Variants in GALNT13 observed in about 807,000 individuals in gnomAD.
GALNT13 encodes the protein UDP-GalNAc:polypeptide N-acetylgalactosaminyltransferase 13.
GALNT13 carries 28 observed loss-of-function variants against 64.2 expected under a neutral mutation model. The observed-to-expected ratio is 0.44, with a 90% CI of 0.32 to 0.60. GALNT13 has a LOEUF of 0.60. Among genes scored for constraint, GALNT13 ranks in the 20% least tolerant of loss-of-function variants. The probability of loss-of-function intolerance (pLI) is 0.05; values close to 1 mark genes in which losing one functional copy is unlikely to be tolerated. For synonymous variants in GALNT13, 214 were observed against 224.6 expected (o/e 0.95, Z 0.42); for missense variants, 577 against 669.8 (o/e 0.86, Z 1.53).
At chr2:154,376,795 A>G (rs981080972) in intron 9 of GALNT13, among the ~76,000 whole-genome samples, 1 of 152,156 alleles carries the variant, frequency 6.6e-6, no homozygotes, top group African/African-American at 2.4e-5. Flanking sequence ...CCATAAAGTG[A>G]GGTTGAAGAA....
chr2:153,261,370 G>A, the GALNT13 span, among the ~76,000 whole-genome samples: 7 of 152,124 alleles, frequency 4.6e-5, no homozygotes, highest in African/African-American at 1.7e-4. Flanking sequence ...GGTATTTGGA[G>A]GGACTTGGGT....
the GALNT13 span, among the ~76,000 whole-genome samples, chr2:153,262,470 C>CA: frequency 1.3e-5 from 2 of 152,042 alleles, no homozygotes; most frequent in African/African-American, 4.8e-5. Flanking sequence ...ATCCTGATAC[C>CA]AAAAACCTGG....
chr2:154,242,237 T>G, intron 5 of GALNT13, 41 bp downstream of exon 5: 3 of 1,557,756 alleles, frequency 1.9e-6, no homozygotes, highest in Non-Finnish European at 2.6e-6. Flanking sequence ...TTTTTTTGTT[T>G]TGTTTTGTTT....
At chr2:154,109,294 A>G (rs1223901883) in intron 3 of GALNT13, among the ~76,000 whole-genome samples, 1 of 151,958 alleles carries the variant, frequency 6.6e-6, no homozygotes, top group Admixed American at 6.6e-5. Flanking sequence ...GTTTGTTCTT[A>G]GTGTCTATAA....
chr2:153,602,682 A>G, the GALNT13 span, among the ~76,000 whole-genome samples: 2 of 151,846 alleles, frequency 1.3e-5, no homozygotes, highest in Admixed American at 1.3e-4. Context: ...GGACAACCAG[A>G]TTTCATAAGG....
chr2:154,127,324 G>A (rs1682342743), intron 3 of GALNT13, among the ~76,000 whole-genome samples: 2 of 152,060 alleles, frequency 1.3e-5, no homozygotes, highest in South Asian at 2.1e-4. Flanking sequence ...ATTTCTAGAC[G>A]TTGGAAGGCT....
intron 3 of GALNT13, among the ~76,000 whole-genome samples, chr2:153,991,834 T>C (rs1470691660): frequency 6.6e-6 from 1 of 150,542 alleles, no homozygotes; most frequent in Non-Finnish European, 1.5e-5. Flanking sequence ...GAAATAATAT[T>C]ATCAGTGTTA....
the GALNT13 span, chr2:153,478,177 C>G: frequency 1.4e-6 from 2 of 1,409,310 alleles, no homozygotes; most frequent in Non-Finnish European, 2.0e-6. Flanking sequence ...GTGAGGGGCA[C>G]AGCCGGGCTA....
chr2:153,439,127 G>A, the GALNT13 span, among the ~76,000 whole-genome samples: 1 of 152,158 alleles, frequency 6.6e-6, no homozygotes, highest in Admixed American at 6.5e-5. Flanking sequence ...AGTGGCTCCA[G>A]AACAGCAGAT....
At chr2:153,210,628 TTCTTG>T in the GALNT13 span, among the ~76,000 whole-genome samples, 2 of 149,336 alleles carry the variant, frequency 1.3e-5, no homozygotes, top group African/African-American at 4.8e-5. Context: ...GTGCATAAAG[TTCTTG>T]TCTGGTTTTG....
At chr2:153,776,613 A>G in the GALNT13 span, among the ~76,000 whole-genome samples, 3 of 152,174 alleles carry the variant, frequency 2.0e-5, no homozygotes, top group Admixed American at 2.0e-4. Context: ...TCCTGATGCT[A>G]TCTACCCCAA....
intron 3 of GALNT13, among the ~76,000 whole-genome samples, chr2:154,047,959 A>G (rs1287261190): frequency 2.0e-5 from 3 of 152,194 alleles, no homozygotes; most frequent in African/African-American, 7.2e-5. Flanking sequence ...CCATTTTCAC[A>G]TTGCTATAAA....
chr2:153,889,335 T>G (rs116584124), intron 1 of GALNT13, among the ~76,000 whole-genome samples: 22 of 152,042 alleles, frequency 1.4e-4, no homozygotes, highest in Middle Eastern at 6.8e-3. Flanking sequence ...TCCCAAACCT[T>G]ACGTTCAGTA....
In GALNT13 at chr2:154,089,675, C is replaced by CAGCTGTGGGTG. The variant is rs369336714; in HGVS notation, c.143-50650_143-50640dup. On this transcript the variant is annotated intron_variant, in intron 3 of 12. Transcript: ENST00000392825. ...TCTGGAGTGGCGCTTCTCTCATGCT[C>CAGCTGTGGGTG]AGCTGTGGGTGAGCTGTGGGTGTTT... 2.4e-3 allele frequency among the ~76,000 whole-genome samples: 368 copies of CAGCTGTGGGTG among 152,146 alleles called. 4 individuals carry two copies. Among genetic ancestry groups the CAGCTGTGGGTG allele is most frequent in the African/African-American group, 8.0e-3 (334 of 41,540 alleles).
At chr2:153,183,932 T>C in the GALNT13 span, among the ~76,000 whole-genome samples, 102 of 152,344 alleles carry the variant, frequency 6.7e-4, no homozygotes, top group Non-Finnish European at 1.3e-3. Flanking sequence ...TCTTTTTGCT[T>C]TGGATTATCT....
At chr2:154,029,209 G>T (rs72868438) in intron 3 of GALNT13, among the ~76,000 whole-genome samples, 1 of 145,756 alleles carries the variant, frequency 6.9e-6, no homozygotes, top group African/African-American at 2.5e-5. Context: ...AAAAAAGATC[G>T]TCTACAGCCC....
chr2:153,730,085 A>G, the GALNT13 span, among the ~76,000 whole-genome samples: 1 of 151,992 alleles, frequency 6.6e-6, no homozygotes, highest in African/African-American at 2.4e-5. Flanking sequence ...ATTAGACAAA[A>G]CAATTCTAAA....
the GALNT13 span, among the ~76,000 whole-genome samples, chr2:153,202,110 G>C: frequency 6.7e-6 from 1 of 149,788 alleles, no homozygotes; most frequent in African/African-American, 2.5e-5. Flanking sequence ...TCAGCCTCCC[G>C]AGTAGCTGGG....
At chr2:154,445,434 T>C (rs1440946368) in intron 12 of GALNT13, among the ~76,000 whole-genome samples, 1 of 151,908 alleles carries the variant, frequency 6.6e-6, no homozygotes, top group Non-Finnish European at 1.5e-5. Flanking sequence ...CCAAGAAAAG[T>C]TCACTTCAAG....
Sources: allele counts gnomAD v4.1 joint callset (sites outside exome capture counted in the v4.1 genomes callset), GRCh38; gene constraint gnomAD v4.1.1; transcripts MANE v1.5; gene names NCBI Gene and HGNC (gene_info 2026-07-23, HGNC 2026-07-21).